The following GLS variants were observed in gnomAD, a reference collection of about 807,000 sequenced individuals.
GLS encodes the protein glutaminase kidney isoform, mitochondrial.
Under a neutral mutation model 86.7 loss-of-function variants are expected in GLS, and 36 were observed. The ratio of observed to expected loss-of-function variants is 0.42; its 90% confidence interval spans 0.32 to 0.55. GLS has a LOEUF of 0.55. GLS is among the 20% of genes least tolerant of loss of function. GLS has a pLI of 0.17. For synonymous variants in GLS, 317 were observed against 305.9 expected (o/e 1.04, Z -0.38); for missense variants, 528 against 833.4 (o/e 0.63, Z 4.51).
chr2:190,938,942 T>C lies in GLS; in HGVS notation c.1650+7305T>C, dbSNP rs1690349747. On this transcript the variant is annotated intron_variant, in intron 14 of 17. Coordinates refer to ENST00000320717, the MANE Select transcript of GLS (RefSeq NM_014905.5). The surrounding 1 kb of genome is among the most constrained non-coding windows in gnomAD (Gnocchi z 4.1). ...TTGAAAGAAAACTGTAGCAGAAATG[T>C]AAATCTAAAAATAAATGTTACATCA... Among the ~76,000 whole-genome samples the C allele has an allele frequency of 6.6e-6, 1 of 151,768 alleles. No homozygotes were observed. The highest frequency in any genetic ancestry group is 1.5e-5 in the Non-Finnish European group (1 of 67,676).
At chr2:190,885,746 G>A (rs1688356337) in intron 1 of GLS, among the ~76,000 whole-genome samples, 1 of 151,718 alleles carries the variant, frequency 6.6e-6, no homozygotes, top group South Asian at 2.1e-4. Flanking sequence ...TGGAAAGTAT[G>A]TTTAATTTTT....
chr2:190,909,104 A>G (rs551737844), intron 6 of GLS, among the ~76,000 whole-genome samples: 1 of 152,344 alleles, frequency 6.6e-6, no homozygotes, highest in African/African-American at 2.4e-5. Context: ...TCTTGATTGT[A>G]ATAATCAGAT....
chr2:190,898,318 C>T (rs923908520), intron 3 of GLS, among the ~76,000 whole-genome samples: 6 of 152,142 alleles, frequency 3.9e-5, no homozygotes, highest in African/African-American at 1.2e-4. Context: ...TCCCGGCTTA[C>T]AGATAAGAAA....
intron 14 of GLS, chr2:190,932,673 C>G: frequency 6.9e-7 from 1 of 1,447,928 alleles, no homozygotes; most frequent in South Asian, 1.5e-5. Flanking sequence ...CCTTTCTTCA[C>G]TCAAGTGCAC....
Position 190,921,318 on chromosome 2 carries a change from A to C in GLS, c.1130+115A>C. On this transcript the variant is annotated intron_variant, in intron 9 of 17. Transcript: ENST00000320717. This position sits in a 1 kb window ranked among gnomAD's most constrained non-coding sequence, Gnocchi z 4.2. The stretch of plus-strand genomic sequence containing the variant: ...GATTTCTAAATTACCTGACAGAAAC[A>C]CTTAAAAATACTTTAAATAGTTTTG... 2 of 753,172 alleles carry C rather than the reference A, an allele frequency of 2.7e-6. No homozygotes were observed. Among genetic ancestry groups the C allele is most frequent in the Non-Finnish European group, 4.6e-6 (2 of 436,362 alleles). The allele number at this position is 753,172 out of a possible 1,614,324, so 46.7% of individuals were successfully genotyped here.
At chr2:190,887,332 C>A (rs1431765923) in intron 1 of GLS, among the ~76,000 whole-genome samples, 1 of 151,920 alleles carries the variant, frequency 6.6e-6, no homozygotes, top group Non-Finnish European at 1.5e-5. Context: ...ATTTTCTGAC[C>A]CCCTACAACG....
intron 1 of GLS, among the ~76,000 whole-genome samples, chr2:190,894,600 GTTAA>G (rs1013767676): frequency 2.0e-5 from 3 of 152,138 alleles, no homozygotes; most frequent in Non-Finnish European, 2.9e-5. Context: ...TCACAGAAAG[GTTAA>G]TTAATTTACC....
At chr2:190,884,628 CAG>C (rs1322675744) in intron 1 of GLS, among the ~76,000 whole-genome samples, 1 of 152,056 alleles carries the variant, frequency 6.6e-6, no homozygotes, top group African/African-American at 2.4e-5. Flanking sequence ...TAGGAAGAGT[CAG>C]AGGGATAGAG....
In GLS at chr2:190,961,489, G is replaced by A. The variant is rs562606542; in HGVS notation, c.1854-1341G>A. Among the ~76,000 whole-genome samples, 7 of 152,260 alleles carry A rather than the reference G, an allele frequency of 4.6e-5. No homozygotes were observed. In the East Asian group the frequency reaches 1.3e-3, roughly 29 times the overall value. On this transcript the variant is annotated intron_variant, in intron 17 of 17. Transcript: ENST00000320717. ...TAGGATTACAGGCATCACTGTATCT[G>A]GCTGAAATTAGTGTATTCTTTAAAG...
chr2:190,911,154 T>C (rs1689346667), intron 7 of GLS, among the ~76,000 whole-genome samples: 1 of 151,844 alleles, frequency 6.6e-6, no homozygotes, highest in African/African-American at 2.4e-5. Flanking sequence ...TCTGTGCCTA[T>C]CTATTCCAAG....
At chr2:190,883,356 T>C (rs945662719) in intron 1 of GLS, among the ~76,000 whole-genome samples, 3 of 152,248 alleles carry the variant, frequency 2.0e-5, no homozygotes, top group African/African-American at 7.2e-5. Flanking sequence ...AAGCTCCCAG[T>C]TGATCCTGTT....
Position 190,920,856 on chromosome 2 carries a change from C to T in GLS, c.1039-168C>T. ...TTCTCAACATATGGGTATTAAATAACATGAAAAAAAGTTTATATAAATGTT... is the reference window on the plus strand; with the variant it reads ...TTCTCAACATATGGGTATTAAATAATATGAAAAAAAGTTTATATAAATGTT... On this transcript the variant is annotated intron_variant, in intron 7 of 17. Coordinates refer to ENST00000320717, the MANE Select transcript of GLS (RefSeq NM_014905.5). This position sits in a 1 kb window ranked among gnomAD's most constrained non-coding sequence, Gnocchi z 4.2. 1 of 526,256 alleles carries T rather than the reference C, an allele frequency of 1.9e-6. No individual in the cohort carries two copies. The allele number at this position is 526,256 out of a possible 1,614,324, so 32.6% of individuals were successfully genotyped here.
At chr2:190,940,860 G>GTA (rs1690407394) in intron 14 of GLS, among the ~76,000 whole-genome samples, 1 of 151,322 alleles carries the variant, frequency 6.6e-6, no homozygotes, top group Non-Finnish European at 1.5e-5. Context: ...AAATGAAAAT[G>GTA]TATAACCTTT....
chr2:190,926,759 C>G (rs1441410371), intron 11 of GLS, among the ~76,000 whole-genome samples: 3 of 152,138 alleles, frequency 2.0e-5, no homozygotes, highest in African/African-American at 7.2e-5. Context: ...GCATCTGAGA[C>G]AGATCTGCTT....
chr2:190,929,154 T>C (rs1019645220), intron 12 of GLS, among the ~76,000 whole-genome samples: 3 of 151,582 alleles, frequency 2.0e-5, no homozygotes, highest in Non-Finnish European at 4.4e-5. Context: ...ACTGCTCTAA[T>C]GACATTAATT....
chr2:190,923,306 T>A lies in GLS; in HGVS notation c.1131-611T>A, dbSNP rs533786250. ...TTTTGATAATTTGGTCCCAGTCTCCTTTGTTTGTTTGATGTTTTCCCACTC... is the reference window on the plus strand; with the variant it reads ...TTTTGATAATTTGGTCCCAGTCTCCATTGTTTGTTTGATGTTTTCCCACTC... On this transcript the variant is annotated intron_variant, in intron 9 of 17. Coordinates refer to ENST00000320717, the MANE Select transcript of GLS (RefSeq NM_014905.5). Among the ~76,000 whole-genome samples, 37 of 152,318 alleles carry A rather than the reference T, an allele frequency of 2.4e-4. 1 individual carries two copies. The highest frequency in any genetic ancestry group is 8.7e-4 in the African/African-American group (36 of 41,584).
intron 5 of GLS, among the ~76,000 whole-genome samples, chr2:190,903,302 G>C (rs1689014975): frequency 6.6e-6 from 1 of 152,212 alleles, no homozygotes; most frequent in Admixed American, 6.5e-5. Flanking sequence ...GAGGACCATA[G>C]TTGACATGAT....
At position 190,917,829 on chromosome 2, in the gene GLS, C is replaced by G. The variant is rs993766177; in HGVS notation, c.1039-3195C>G. ...TCTGGCTGGTCATGGTGGCTCACACCTGTAATCTCAGCACTTTGGGAGGTT... is the reference window on the plus strand; with the variant it reads ...TCTGGCTGGTCATGGTGGCTCACACGTGTAATCTCAGCACTTTGGGAGGTT... On this transcript the variant is annotated intron_variant, in intron 7 of 17. Transcript: ENST00000320717. 2.0e-5 allele frequency among the ~76,000 whole-genome samples: 3 copies of G among 151,922 alleles called. No homozygotes were observed. The Middle Eastern group carries it at 0.01, about 517-fold the overall frequency.
rs1384933014 is a variant in GLS at position 190,963,482 on chromosome 2, C to G, written c.*496C>G. Reference sequence around the variant, plus strand: ...GTGTTTAAAATGTCTCTCTCACCCCCTAGCTTCATGATGTGACTCTTAAAA... The same window carrying G: ...GTGTTTAAAATGTCTCTCTCACCCCGTAGCTTCATGATGTGACTCTTAAAA... On this transcript the variant is annotated 3_prime_UTR_variant, in exon 18 of 18. Coordinates refer to ENST00000320717, the MANE Select transcript of GLS (RefSeq NM_014905.5). 6.5e-6 allele frequency: 1 copy of G among 153,054 alleles called. No individual in the cohort carries two copies. The highest frequency in any genetic ancestry group is 1.5e-5 in the Non-Finnish European group (1 of 68,366). The allele number at this position is 153,054 out of a possible 1,614,324, so 9.5% of individuals were successfully genotyped here. A position where few individuals can be genotyped will look rare whatever the true frequency, so the allele number is the denominator to read the frequency against.
Sources: allele counts gnomAD v4.1 joint callset (sites outside exome capture counted in the v4.1 genomes callset), GRCh38; gene constraint gnomAD v4.1.1; non-coding constraint Gnocchi (gnomAD v3.1); transcripts MANE v1.5; gene names NCBI Gene and HGNC (gene_info 2026-07-23, HGNC 2026-07-21).